The following EQTN variants were observed in gnomAD, a reference collection of about 807,000 sequenced individuals.
EQTN encodes Acrosome formation associated factor.
Under a neutral mutation model 26.9 loss-of-function variants are expected in EQTN, and 29 were observed. That is an observed-to-expected ratio of 1.08 (90% CI 0.80 to 1.47). The LOEUF (loss-of-function observed/expected upper bound fraction) is 1.47. Ranked by LOEUF, EQTN falls within the 40% of genes most tolerant of loss-of-function variation. The pLI is 0.00. For synonymous variants in EQTN, 129 were observed against 120.0 expected (o/e 1.07, Z -0.49); for missense variants, 391 against 346.1 (o/e 1.13, Z -1.03).
At chr9:27,294,804 A>T (rs1280767379) in intron 2 of EQTN, among the ~76,000 whole-genome samples, 1 of 152,230 alleles carries the variant, frequency 6.6e-6, no homozygotes, top group Non-Finnish European at 1.5e-5. Flanking sequence ...TGAACACTTC[A>T]GCTTAAAAAG....
chr9:27,285,057 A>C (rs1376890097), intron 7 of EQTN, 85 bp from the exon 8 acceptor site: 3 of 1,272,726 alleles, frequency 2.4e-6, no homozygotes, highest in African/African-American at 3.0e-5. Flanking sequence ...CAAAAATTAA[A>C]ATATACGAAT....
chr9:27,295,509 A>C (rs575329734), intron 2 of EQTN, among the ~76,000 whole-genome samples: 1 of 152,290 alleles, frequency 6.6e-6, no homozygotes, highest in African/African-American at 2.4e-5. Context: ...TGCCATACAC[A>C]AAAATAATTG....
chr9:27,294,255 G>T, intron 3 of EQTN, 61 bp downstream of exon 3: 1 of 1,157,548 alleles, frequency 8.6e-7, no homozygotes, highest in Non-Finnish European at 1.3e-6. Context: ...GTCTCTTATT[G>T]CTGTTTTGAA....
chr9:27,286,569 C>A (rs1457632293), intron 6 of EQTN, among the ~76,000 whole-genome samples: 1 of 152,190 alleles, frequency 6.6e-6, no homozygotes, highest in African/African-American at 2.4e-5. Context: ...TTCACAGCAA[C>A]CCCGAAGGAG....
Position 27,293,965 on chromosome 9 carries a change from TAAGA to T in EQTN, c.289+347_289+350del, listed in dbSNP as rs1820286790. Among the ~76,000 whole-genome samples, 5 of 152,236 alleles carry T rather than the reference TAAGA, an allele frequency of 3.3e-5. No individual in the cohort carries two copies. In the South Asian group the frequency reaches 1.0e-3, roughly 32 times the overall value. On this transcript the variant is annotated intron_variant, in intron 3 of 7. Transcript: ENST00000380032. Reference sequence around the variant, plus strand: ...TCAGAAAGGCAAAAAAACGTGGGTTTAAGAAAGATGTAAATTTTCCTAGAATCCT... The same window carrying T: ...TCAGAAAGGCAAAAAAACGTGGGTTTAAGATGTAAATTTTCCTAGAATCCT...
intron 6 of EQTN, among the ~76,000 whole-genome samples, chr9:27,286,939 T>TAAATTACAAAAA (rs1331820371): frequency 1.3e-5 from 2 of 152,126 alleles, no homozygotes; most frequent in Non-Finnish European, 2.9e-5. Context: ...ATTACAAAAA[T>TAAATTACAAAAA]AAATAGAATC....
chr9:27,291,928 T>C lies in EQTN; in HGVS notation c.376+473A>G, dbSNP rs149331225. Among the ~76,000 whole-genome samples, 38 of 152,266 alleles carry C rather than the reference T, an allele frequency of 2.5e-4. No homozygotes were observed. In the East Asian group the frequency reaches 6.8e-3, roughly 27 times the overall value. On this transcript the variant is annotated intron_variant, in intron 4 of 7. Transcript: ENST00000380032. ...ACATATTTTATAAGGAACAATATTC[T>C]TGACAGGGAAGTAAAATGGTAATTT...
chr9:27,284,966 T>G lies in EQTN; in HGVS notation c.642A>C (p.Lys214Asn). Residue 214 changes from lysine to asparagine, a missense_variant, in exon 8 of 8, where the codon AAA (lysine) becomes AAC (asparagine). Lys to Asn is a moderately conservative substitution (Grantham distance 94, BLOSUM62 0). Transcript: ENST00000380032. ...TGACAGAGTACTGACTCTCACAACT[T>G]TTATAACTGAAGAAGAAAAGAACAT... ...TLYKLRHLSYKSCESQYSVNP... is the reference protein window; with the variant it reads ...TLYKLRHLSYNSCESQYSVNP... 3 of 1,609,784 alleles carry G rather than the reference T, an allele frequency of 1.9e-6. No individual in the cohort carries two copies. Among genetic ancestry groups the G allele is most frequent in the Non-Finnish European group, 2.5e-6 (3 of 1,178,490 alleles).
chr9:27,286,391 T>C, intron 6 of EQTN, 29 bp from the exon 7 acceptor site: 1 of 1,561,582 alleles, frequency 6.4e-7, no homozygotes, highest in Non-Finnish European at 8.7e-7. Context: ...CAGTGGAAAA[T>C]AGGGTGTTCA....
Position 27,294,105 on chromosome 9 carries a change from T to C in EQTN, c.289+211A>G, listed in dbSNP as rs547290285. Among the ~76,000 whole-genome samples, 11 of 152,320 alleles carry C rather than the reference T, an allele frequency of 7.2e-5. No homozygotes were observed. The East Asian group carries it at 2.1e-3, about 29-fold the overall frequency. On this transcript the variant is annotated intron_variant, in intron 3 of 7. Transcript: ENST00000380032. ...TTATCAGTGTAATGGATGTGGAGTC[T>C]CAGGTGTATTTGTGTGGGAGGAAGT...
At chr9:27,285,062 A>G in intron 7 of EQTN, 90 bp from the exon 8 acceptor site, 1 of 1,212,130 alleles carries the variant, frequency 8.2e-7, no homozygotes, top group Non-Finnish European at 1.1e-6. Context: ...ATTAAAATAT[A>G]CGAATTTTGC....
At chr9:27,290,888 T>C (rs1021241979) in intron 5 of EQTN, 131 bp downstream of exon 5, 1 of 599,142 alleles carries the variant, frequency 1.7e-6, no homozygotes, top group African/African-American at 1.9e-5. Context: ...GTTTTGAAGT[T>C]TGCTATTACA....
intron 5 of EQTN, among the ~76,000 whole-genome samples, chr9:27,290,672 G>T (rs1447927318): frequency 1.3e-5 from 2 of 152,060 alleles, no homozygotes; most frequent in South Asian, 2.1e-4. Flanking sequence ...ATATATTTTG[G>T]TATACACTTT....
chr9:27,288,184 T>A (rs1172634014), intron 6 of EQTN, among the ~76,000 whole-genome samples: 2 of 152,174 alleles, frequency 1.3e-5, no homozygotes, highest in Non-Finnish European at 2.9e-5. Context: ...AGATATATCA[T>A]CATGCTATTT....
intron 3 of EQTN, among the ~76,000 whole-genome samples, chr9:27,293,070 A>T (rs1378551507): frequency 6.6e-6 from 1 of 152,162 alleles, no homozygotes; most frequent in African/African-American, 2.4e-5. Context: ...CCCTTTCTTC[A>T]AGTTGATGGC....
intron 4 of EQTN, 105 bp from the exon 5 acceptor site, chr9:27,291,168 C>A: frequency 1.0e-6 from 1 of 983,804 alleles, no homozygotes; most frequent in South Asian, 1.7e-5. Context: ...AGCAGTTAAA[C>A]TTTGAGCTCC....
chr9:27,295,850 A>AAC (rs1418247249), intron 2 of EQTN, among the ~76,000 whole-genome samples: 2 of 151,302 alleles, frequency 1.3e-5, no homozygotes, highest in East Asian at 1.9e-4. Context: ...AAAAAAAAAA[A>AAC]AAAACAACGA....
chr9:27,293,080 C>T (rs1304326365), intron 3 of EQTN, among the ~76,000 whole-genome samples: 1 of 152,040 alleles, frequency 6.6e-6, no homozygotes, highest in Non-Finnish European at 1.5e-5. Flanking sequence ...AAGTTGATGG[C>T]CATTTCAATT....
chr9:27,289,112 C>G (rs10967862), intron 6 of EQTN, among the ~76,000 whole-genome samples: 30 of 151,980 alleles, frequency 2.0e-4, no homozygotes, highest in African/African-American at 6.3e-4. Flanking sequence ...TATGGAAATT[C>G]TGTACGTTCT....
Sources: gnomAD v4.1 joint callset for allele counts (sites outside exome capture counted in the v4.1 genomes callset) on GRCh38, gnomAD v4.1.1 for gene constraint, MANE v1.5 for transcripts, NCBI Gene and HGNC (gene_info 2026-07-23, HGNC 2026-07-21) for gene names.